CDH4: variants seen among roughly 807,000 people sequenced by gnomAD.
CDH4 encodes cadherin-4.
In CDH4, 33 loss-of-function variants were observed where a neutral mutation model predicts 86.0. The observed-to-expected ratio is 0.38, with a 90% CI of 0.29 to 0.51. CDH4 has a LOEUF of 0.51. Among genes scored for constraint, CDH4 ranks in the 20% least tolerant of loss-of-function variants. The pLI, the probability that CDH4 is intolerant of heterozygous loss-of-function variation, is 0.86. For synonymous variants in CDH4, 555 were observed against 549.4 expected, an observed-to-expected ratio of 1.01 and a Z score of -0.14; for missense variants, 1,114 against 1,307.4, an observed-to-expected ratio of 0.85 and a Z score of 2.28.
intron 6 of CDH4, among the ~76,000 whole-genome samples, chr20:61,864,656 C>A (rs1310417706): frequency 6.6e-6 from 1 of 152,196 alleles, no homozygotes; most frequent in Non-Finnish European, 1.5e-5. Flanking sequence ...ACTCAACTCC[C>A]AGAGCCAAGC....
intron 7 of CDH4, among the ~76,000 whole-genome samples, chr20:61,887,593 A>C (rs1459924579): frequency 6.6e-6 from 1 of 152,252 alleles, no homozygotes; most frequent in Non-Finnish European, 1.5e-5. Flanking sequence ...TATATAGAAA[A>C]GAATACATTT....
At chr20:61,633,147 C>T (rs1167742124) in intron 2 of CDH4, among the ~76,000 whole-genome samples, 1 of 151,256 alleles carries the variant, frequency 6.6e-6, no homozygotes, top group Non-Finnish European at 1.5e-5. Context: ...TCCTCCCATC[C>T]ATCCACCCAT....
chr20:61,525,391 C>T (rs1260850485), intron 2 of CDH4, among the ~76,000 whole-genome samples: 1 of 152,136 alleles, frequency 6.6e-6, no homozygotes, highest in East Asian at 1.9e-4. Flanking sequence ...ACTCAGGGCC[C>T]CCCAACAGGC....
chr20:61,386,328 AC>A (rs1175845579), intron 2 of CDH4, among the ~76,000 whole-genome samples: 1 of 152,104 alleles, frequency 6.6e-6, no homozygotes, highest in Non-Finnish European at 1.5e-5. Context: ...GCCCAGGATG[AC>A]ACCCACCCAT....
intron 2 of CDH4, among the ~76,000 whole-genome samples, chr20:61,711,054 G>A (rs930617177): frequency 6.6e-6 from 1 of 152,188 alleles, no homozygotes; most frequent in Non-Finnish European, 1.5e-5. Context: ...ATCTCCACGT[G>A]TCCAGAGAGA....
Position 61,681,549 on chromosome 20 carries a change from C to T in CDH4, c.170-62014C>T, listed in dbSNP as rs923596001. On this transcript the variant is annotated intron_variant, in intron 2 of 15. Transcript: ENST00000614565. The surrounding 1 kb of genome is among the most constrained non-coding windows in gnomAD (Gnocchi z 4.5). ...TGCATTTTAAGGAATCTGTTAGCTC[C>T]CGAACTCTTGTTCCAAGGGGTAGGA... Among the ~76,000 whole-genome samples the T allele has an allele frequency of 2.0e-5, 3 of 152,092 alleles. No individual in the cohort carries two copies. Among genetic ancestry groups the T allele is most frequent in the African/African-American group, 7.2e-5 (3 of 41,412 alleles).
In CDH4 at chr20:61,615,129, G is replaced by C. The variant is rs199825241; in HGVS notation, c.170-128434G>C. ...TTTTTGTTGTTGTTTTTGTTTTTTT[G>C]GTTTTTTTTTTGAGACAGAGTCTCA... is the stretch of plus-strand genomic sequence containing the variant. On this transcript the variant is annotated intron_variant, in intron 2 of 15. Transcript: ENST00000614565. 7.3e-5 allele frequency among the ~76,000 whole-genome samples: 5 copies of C among 68,408 alleles called. No individual in the cohort carries two copies. The Admixed American group carries it at 8.3e-4, about 11-fold the overall frequency. 44.9% of individuals were successfully genotyped at this position (68,408 alleles called of 152,430 possible).
chr20:61,842,121 C>G (rs1028188833), intron 4 of CDH4, among the ~76,000 whole-genome samples: 1 of 152,224 alleles, frequency 6.6e-6, no homozygotes, highest in Non-Finnish European at 1.5e-5. Flanking sequence ...CTCTATCAAA[C>G]GTGCTTTGAG....
intron 2 of CDH4, among the ~76,000 whole-genome samples, chr20:61,639,115 G>T (rs776752488): frequency 2.0e-5 from 3 of 152,212 alleles, no homozygotes; most frequent in Non-Finnish European, 4.4e-5. Flanking sequence ...CCTGTGTGCG[G>T]GATAAACGAC....
chr20:61,651,858 G>T (rs990726865), intron 2 of CDH4, among the ~76,000 whole-genome samples: 1 of 152,148 alleles, frequency 6.6e-6, no homozygotes, highest in African/African-American at 2.4e-5. Flanking sequence ...TGAGGCTGTG[G>T]GTGGGAAGCC....
In CDH4 at chr20:61,732,662, C is replaced by T. The variant is rs1406047245; in HGVS notation, c.170-10901C>T. Among the ~76,000 whole-genome samples the T allele has an allele frequency of 2.6e-5, 4 of 152,366 alleles. No individual in the cohort carries two copies. In the East Asian group the frequency reaches 5.8e-4, roughly 22 times the overall value. On this transcript the variant is annotated intron_variant, in intron 2 of 15. Transcript: ENST00000614565. Reference sequence around the variant, plus strand: ...ATAACACTACCCCTACCTAGCCAGGCACGTCCAGCTGCCAGCTCATCACGC... The same window carrying T: ...ATAACACTACCCCTACCTAGCCAGGTACGTCCAGCTGCCAGCTCATCACGC...
intron 2 of CDH4, among the ~76,000 whole-genome samples, chr20:61,577,407 A>G (rs2086390453): frequency 6.6e-6 from 1 of 152,060 alleles, no homozygotes; most frequent in African/African-American, 2.4e-5. Context: ...GGATGAGTGG[A>G]TATTTTGTGT....
chr20:61,592,105 G>A (rs1261924323), intron 2 of CDH4, among the ~76,000 whole-genome samples: 2 of 151,948 alleles, frequency 1.3e-5, no homozygotes, highest in African/African-American at 2.4e-5. Context: ...CAAAGAAGTG[G>A]CTAGTTGAGC....
chr20:61,652,938 A>ATTTATTTTTTTTTTTTTTTT (rs1555819716), intron 2 of CDH4, among the ~76,000 whole-genome samples: 28 of 97,354 alleles, frequency 2.9e-4, no homozygotes, highest in Admixed American at 5.3e-4. Context: ...TTATTTATTT[A>ATTTATTTTTTTTTTTTTTTT]TTTTTTTTTT....
intron 2 of CDH4, among the ~76,000 whole-genome samples, chr20:61,578,284 G>T (rs1053439414): frequency 6.6e-6 from 1 of 152,166 alleles, no homozygotes; most frequent in Non-Finnish European, 1.5e-5. Context: ...CACTGGGGGG[G>T]AATGACACAC....
At chr20:61,341,726 G>T (rs1240243773) in intron 2 of CDH4, among the ~76,000 whole-genome samples, 3 of 152,014 alleles carry the variant, frequency 2.0e-5, no homozygotes, top group African/African-American at 7.2e-5. Flanking sequence ...GAAGTGATTG[G>T]CAGAAGGTCT....
In CDH4 at chr20:61,465,022, T is replaced by C. The variant is rs74736078; in HGVS notation, c.169+210085T>C. On this transcript the variant is annotated intron_variant, in intron 2 of 15. Coordinates refer to ENST00000614565, the MANE Select transcript of CDH4 (RefSeq NM_001794.5). ...AGTAGGCCCTAAAAGTGCACACAGG[T>C]CTACAAAAGTGTGTGCAGGTCTTAT... is the stretch of plus-strand genomic sequence containing the variant. Among the ~76,000 whole-genome samples, 1,048 of 152,322 alleles carry C rather than the reference T, an allele frequency of 6.9e-3. 11 individuals are homozygous for C. Among genetic ancestry groups the C allele is most frequent in the African/African-American group, 0.024 (992 of 41,572 alleles).
At chr20:61,878,757 T>C (rs922865171) in intron 7 of CDH4, among the ~76,000 whole-genome samples, 1 of 152,250 alleles carries the variant, frequency 6.6e-6, no homozygotes, top group Non-Finnish European at 1.5e-5. Context: ...CACCCCACTC[T>C]GCCCGCTCAG....
In CDH4 at chr20:61,501,385, T is replaced by C. The variant is rs554657247; in HGVS notation, c.170-242178T>C. 2.0e-5 allele frequency among the ~76,000 whole-genome samples: 3 copies of C among 152,154 alleles called. No individual in the cohort carries two copies. Among genetic ancestry groups the C allele is most frequent in the Non-Finnish European group, 4.4e-5 (3 of 68,020 alleles). On this transcript the variant is annotated intron_variant, in intron 2 of 15. Coordinates refer to ENST00000614565, the MANE Select transcript of CDH4 (RefSeq NM_001794.5). This position sits in a 1 kb window ranked among gnomAD's most constrained non-coding sequence, Gnocchi z 4.2. ...TGGGGTGACTGAGACAAATGGAGTG[T>C]GGCCTGCTTGGGAAATGCTGAAAAG...
Sources: allele counts gnomAD v4.1 joint callset (sites outside exome capture counted in the v4.1 genomes callset), GRCh38; gene constraint gnomAD v4.1.1; non-coding constraint Gnocchi (gnomAD v3.1); transcripts MANE v1.5; gene names NCBI Gene and HGNC (gene_info 2026-07-23, HGNC 2026-07-21).